Variants in PRRT4 observed in about 807,000 individuals in gnomAD.
The protein encoded by PRRT4 is proline rich transmembrane protein 4.
Under a neutral mutation model 55.6 loss-of-function variants are expected in PRRT4, and 59 were observed. The ratio of observed to expected loss-of-function variants is 1.06; its 90% confidence interval spans 0.86 to 1.32. PRRT4 has a LOEUF of 1.32. PRRT4 is among the 40% of genes most tolerant of loss of function. The probability of loss-of-function intolerance (pLI) is 0.00; values close to 1 mark genes in which losing one functional copy is unlikely to be tolerated. For synonymous variants in PRRT4, 606 were observed against 601.8 expected (o/e 1.01, Z -0.10); for missense variants, 1,217 against 1,222.0 (o/e 1.00, Z 0.06).
intron 4 of PRRT4, among the ~76,000 whole-genome samples, chr7:128,354,773 T>C (rs537806249): frequency 6.6e-6 from 1 of 152,262 alleles, no homozygotes; most frequent in South Asian, 2.1e-4. Context: ...AAACATTAAA[T>C]ATACACAGCT....
At chr7:128,355,404 G>C (rs1423557529) in intron 4 of PRRT4, among the ~76,000 whole-genome samples, 1 of 152,064 alleles carries the variant, frequency 6.6e-6, no homozygotes, top group Non-Finnish European at 1.5e-5. Flanking sequence ...CACCATATTG[G>C]CCAGGCTGGT....
At chr7:128,353,685 A>G (rs778057823) in intron 4 of PRRT4, among the ~76,000 whole-genome samples, 2 of 152,174 alleles carry the variant, frequency 1.3e-5, no homozygotes, top group Non-Finnish European at 2.9e-5. Flanking sequence ...GGAAGGTGAC[A>G]TTGAGATGGA....
Position 128,355,139 on chromosome 7 carries a change from T to A in PRRT4, c.878-2461A>T, listed in dbSNP as rs77314487. ...ACAACGATTAGTCAAAGAGTGAACATCAACACATTGTCTCACTTTATGAAC... is the reference window on the plus strand; with the variant it reads ...ACAACGATTAGTCAAAGAGTGAACAACAACACATTGTCTCACTTTATGAAC... On this transcript the variant is annotated intron_variant, in intron 4 of 4. Transcript: ENST00000535159. Among the ~76,000 whole-genome samples the A allele has an allele frequency of 2.8e-3, 420 of 152,320 alleles. 12 individuals carry two copies. In the East Asian group the frequency reaches 0.061, roughly 22 times the overall value.
chr7:128,359,424 G>A (rs1449043723), exon 2 of PRRT4: 2 of 1,464,798 alleles, frequency 1.4e-6, no homozygotes, highest in African/African-American at 1.4e-5. Context: ...CCAAGCGTGG[G>A]GGCTGCACCT....
exon 5 of PRRT4, chr7:128,351,534 C>T: frequency 1.3e-6 from 2 of 1,484,472 alleles, no homozygotes; most frequent in Non-Finnish European, 1.8e-6. Flanking sequence ...ACAGCTGCAG[C>T]AGCTCCGCGT....
intron 1 of PRRT4, 37 bp from the exon 3 acceptor site, chr7:128,360,100 G>A: frequency 2.2e-6 from 2 of 894,126 alleles, no homozygotes; most frequent in Non-Finnish European, 3.0e-6. Context: ...CCTGGCTGTG[G>A]CCCCCCTCTT....
intron 4 of PRRT4, among the ~76,000 whole-genome samples, chr7:128,355,969 A>G (rs1797103338): frequency 6.6e-6 from 1 of 152,194 alleles, no homozygotes; most frequent in Non-Finnish European, 1.5e-5. Flanking sequence ...TTCAACATTC[A>G]TAAGAATCCA....
At chr7:128,351,604 C>T (rs764399351) in exon 5 of PRRT4, 1 of 1,506,504 alleles carries the variant, frequency 6.6e-7, no homozygotes, top group South Asian at 1.2e-5. Context: ...GACCCAGCCT[C>T]CCGGCAGCAG....
At chr7:128,351,980 C>A in exon 5 of PRRT4, 1 of 1,298,436 alleles carries the variant, frequency 7.7e-7, no homozygotes, top group South Asian at 2.2e-5. Context: ...GGCGCCCCGG[C>A]CCGCCGCCGC....
At chr7:128,351,841 C>T in exon 5 of PRRT4, 1 of 1,346,386 alleles carries the variant, frequency 7.4e-7, no homozygotes, top group Non-Finnish European at 9.5e-7. Flanking sequence ...CTGCAGGGCT[C>T]CGCTCAGCAG....
chr7:128,351,087 G>C (rs1170589864), exon 5 of PRRT4: 2 of 1,548,750 alleles, frequency 1.3e-6, no homozygotes, highest in Non-Finnish European at 1.7e-6. Flanking sequence ...GCGGGGGCCT[G>C]TCGGGGCTGG....
At chr7:128,352,443 G>T (rs1168223625) in exon 5 of PRRT4, 1 of 1,538,654 alleles carries the variant, frequency 6.5e-7, no homozygotes, top group Non-Finnish European at 8.7e-7. Context: ...CGAAGAGCGC[G>T]CCTACCCCGT....
chr7:128,350,710 C>G (rs530145389), downstream of PRRT4: 39 of 1,313,006 alleles, frequency 3.0e-5, no homozygotes, highest in South Asian at 5.7e-4. Flanking sequence ...GCTGCTGACC[C>G]ACCCACCCAG....
At chr7:128,355,490 C>A (rs958398070) in intron 4 of PRRT4, among the ~76,000 whole-genome samples, 13 of 152,214 alleles carry the variant, frequency 8.5e-5, no homozygotes, top group African/African-American at 2.9e-4. Flanking sequence ...GCCACCGCGC[C>A]CGGCCAAATA....
chr7:128,357,379 G>A (rs1292138545), intron 4 of PRRT4, among the ~76,000 whole-genome samples: 2 of 152,112 alleles, frequency 1.3e-5, no homozygotes, highest in African/African-American at 4.8e-5. Context: ...CCAGGGAGGA[G>A]GGGGAATGAG....
downstream of PRRT4, chr7:128,350,423 A>C: frequency 4.8e-6 from 1 of 208,838 alleles, no homozygotes; most frequent in Non-Finnish European, 9.8e-6. Context: ...TGGGTGTCAC[A>C]TGGAGGAAAG....
At position 128,354,725 on chromosome 7, in the gene PRRT4, G is replaced by A. The variant is rs1273668512; in HGVS notation, c.878-2047C>T. 4.6e-5 allele frequency among the ~76,000 whole-genome samples: 7 copies of A among 152,184 alleles called. No individual in the cohort carries two copies. The East Asian group carries it at 1.3e-3, about 29-fold the overall frequency. On this transcript the variant is annotated intron_variant, in intron 4 of 4. Coordinates refer to ENST00000535159, the Ensembl canonical transcript of PRRT4. ...CTCTGAGAGAAGGAAAGGGAAGATG[G>A]AATTGGACAACTGGGGAGGGCAGAA...
At chr7:128,352,011 C>A in exon 5 of PRRT4, 2 of 1,315,246 alleles carry the variant, frequency 1.5e-6, no homozygotes, top group Non-Finnish European at 1.9e-6. Flanking sequence ...AGCAGGAGAG[C>A]GCCAGCAGCA....
chr7:128,351,155 C>A (rs1034906459), exon 5 of PRRT4: 1 of 1,546,276 alleles, frequency 6.5e-7, no homozygotes, highest in African/African-American at 1.4e-5. Context: ...CCAGATGAGA[C>A]GCTGCTGCCT....
Sources: allele counts gnomAD v4.1 joint callset (sites outside exome capture counted in the v4.1 genomes callset), GRCh38; gene constraint gnomAD v4.1.1; transcripts MANE v1.5; gene names NCBI Gene and HGNC (gene_info 2026-07-23, HGNC 2026-07-21).